PCDHGC5: variants seen among roughly 807,000 people sequenced by gnomAD.
PCDHGC5 encodes the protein protocadherin gamma-C5.
Under a neutral mutation model 59.0 loss-of-function variants are expected in PCDHGC5, and 25 were observed. The ratio of observed to expected loss-of-function variants is 0.42; its 90% CI spans 0.31 to 0.59. PCDHGC5 has a LOEUF of 0.59. Ranked by LOEUF, PCDHGC5 falls within the 20% of genes least tolerant of loss-of-function variation. The pLI is 0.13. For synonymous variants in PCDHGC5, 434 were observed against 505.5 expected, an observed-to-expected ratio of 0.86 and a Z score of 1.90; for missense variants, 1,067 against 1,206.4, an observed-to-expected ratio of 0.88 and a Z score of 1.71.
Position 141,491,754 on chromosome 5 carries a change from C to T in PCDHGC5, c.2460+54C>T. ...CCCCTGGGGGCGGCACTGGAGAAGC[C>T]GCCCGTCCTCATAAGGGATTGAACT... On this transcript the variant is annotated intron_variant, in intron 1 of 3. Transcript: ENST00000252087. The surrounding 1 kb of genome is among the most constrained non-coding windows in gnomAD (Gnocchi z 6.9). 5.7e-6 allele frequency: 9 copies of T among 1,582,682 alleles called. No individual in the cohort carries two copies. The highest frequency in any genetic ancestry group is 7.7e-6 in the Non-Finnish European group (9 of 1,165,614).
chr5:141,494,977 T>C, intron 2 of PCDHGC5, 112 bp downstream of exon 2: 1 of 1,574,332 alleles, frequency 6.4e-7, no homozygotes, highest in East Asian at 2.3e-5. Context: ...TCTCCCTCAG[T>C]TTGAGATCCC....
At chr5:141,502,660 A>T (rs1423714257) in intron 2 of PCDHGC5, among the ~76,000 whole-genome samples, 2 of 152,208 alleles carry the variant, frequency 1.3e-5, no homozygotes, top group African/African-American at 4.8e-5. Flanking sequence ...GCAACCCTTC[A>T]TGCAATTTTA....
At chr5:141,496,146 G>A (rs749790409) in intron 2 of PCDHGC5, among the ~76,000 whole-genome samples, 1 of 151,170 alleles carries the variant, frequency 6.6e-6, no homozygotes, top group Non-Finnish European at 1.5e-5. Flanking sequence ...GCCTTTGATC[G>A]CAGCTCTCCA....
chr5:141,497,812 T>C (rs947015544), intron 2 of PCDHGC5, among the ~76,000 whole-genome samples: 2 of 152,202 alleles, frequency 1.3e-5, no homozygotes, highest in African/African-American at 4.8e-5. Flanking sequence ...AGTGCTAGAA[T>C]TACAGGTGTG....
intron 2 of PCDHGC5, among the ~76,000 whole-genome samples, chr5:141,498,352 CA>C: frequency 6.6e-6 from 1 of 151,890 alleles, no homozygotes; most frequent in African/African-American, 2.4e-5. Flanking sequence ...AAAGCCTATG[CA>C]AAAGCCTTGT....
Position 141,491,722 on chromosome 5 carries a change from C to G in PCDHGC5, c.2460+22C>G, listed in dbSNP as rs1276921909. ...CCAGGTGAGGGGCTCGGCGCCGCCC[C>G]GGGCGACCCCTGGGGGCGGCACTGG... On this transcript the variant is annotated intron_variant, in intron 1 of 3. Transcript: ENST00000252087. This position sits in a 1 kb window ranked among gnomAD's most constrained non-coding sequence, Gnocchi z 6.9. 2 of 1,607,004 alleles carry G rather than the reference C, an allele frequency of 1.2e-6. No homozygotes were observed. The highest frequency in any genetic ancestry group is 1.7e-5 in the Admixed American group (1 of 58,788).
Position 141,511,345 on chromosome 5 carries a change from TC to T in PCDHGC5, c.*179del, listed in dbSNP as rs535135679. On this transcript the variant is annotated 3_prime_UTR_variant, in exon 4 of 4. Coordinates refer to ENST00000252087, the MANE Select transcript of PCDHGC5 (RefSeq NM_018929.3). ...AAGTGCCCAGTCAGCACCTACCCCTTCCCCCCCAGGGGGTTGAATATGCAAA... is the reference window on the plus strand; with the variant it reads ...AAGTGCCCAGTCAGCACCTACCCCTTCCCCCCAGGGGGTTGAATATGCAAA... The T allele has an allele frequency of 2.2e-5, 31 of 1,410,342 alleles. No individual in the cohort carries two copies. Among genetic ancestry groups the T allele is most frequent in the South Asian group, 2.9e-5 (2 of 68,200 alleles). 87.4% of individuals were successfully genotyped at this position (1,410,342 alleles called of 1,614,324 possible). A position where few individuals can be genotyped will look rare whatever the true frequency, so the allele number is the denominator to read the frequency against.
chr5:141,503,654 G>C (rs1248501987), intron 2 of PCDHGC5, among the ~76,000 whole-genome samples: 1 of 150,388 alleles, frequency 6.6e-6, no homozygotes, highest in Non-Finnish European at 1.5e-5. Flanking sequence ...AATGGAAACA[G>C]AATTACAACT....
Position 141,494,830 on chromosome 5 carries a change from G to C in PCDHGC5, c.2484G>C (p.Trp828Cys), listed in dbSNP as rs2099757104. Residue 828 changes from tryptophan (W) to cysteine (C), a missense_variant, in exon 2 of 4, where the codon TGG (tryptophan) becomes TGC (cysteine). Coordinates refer to ENST00000252087, the MANE Select transcript of PCDHGC5 (RefSeq NM_018929.3). ...AGCAAGCCCCGCCCAACACGGACTG[G>C]CGTTTCTCTCAGGCCCAGAGACCCG... The part of the protein sequence containing the change: ...RSQQAPPNTD[W>C]RFSQAQRPGT... 6.2e-7 allele frequency: 1 copy of C among 1,614,098 alleles called. No homozygotes were observed. The highest frequency in any genetic ancestry group is 2.2e-5 in the East Asian group (1 of 44,862).
chr5:141,500,139 CT>C (rs2099796692), intron 2 of PCDHGC5, among the ~76,000 whole-genome samples: 2 of 151,768 alleles, frequency 1.3e-5, no homozygotes, highest in East Asian at 3.9e-4. Context: ...TCTTTCTAAA[CT>C]TTTCTTTGTG....
intron 2 of PCDHGC5, among the ~76,000 whole-genome samples, chr5:141,496,582 G>A (rs991035985): frequency 1.9e-4 from 29 of 152,100 alleles, no homozygotes; most frequent in Non-Finnish European, 3.5e-4. Flanking sequence ...TTTTAGGAAC[G>A]CAAAGCGCTT....
Position 141,489,492 on chromosome 5 carries a change from G to C in PCDHGC5, c.252G>C (p.Leu84=). The change falls in exon 1 of 4, where the codon CTG becomes CTC. Residue 84 remains leucine (L), a synonymous_variant. Coordinates refer to ENST00000252087, the MANE Select transcript of PCDHGC5 (RefSeq NM_018929.3). This position sits in a 1 kb window ranked among gnomAD's most constrained non-coding sequence, Gnocchi z 4.5. The part of the protein sequence containing the change: ...YFSLSLMSGA[L]AVNQKIDRES... The stretch of plus-strand genomic sequence containing the variant: ...CCCTGAGCTTGATGAGTGGTGCCCT[G>C]GCAGTGAATCAAAAGATTGACCGAG... The C allele has an allele frequency of 6.2e-7, 1 of 1,614,042 alleles. No homozygotes were observed. The highest frequency in any genetic ancestry group is 8.5e-7 in the Non-Finnish European group (1 of 1,180,034).
rs1303365585 is a variant in PCDHGC5 at position 141,511,350 on chromosome 5, C to A, written c.*177C>A. 2.1e-5 allele frequency: 30 copies of A among 1,397,076 alleles called. No individual in the cohort carries two copies. Among genetic ancestry groups the A allele is most frequent in the African/African-American group, 1.7e-4 (12 of 68,780 alleles). The allele number at this position is 1,397,076 out of a possible 1,614,324, so 86.5% of individuals were successfully genotyped here. Reference sequence around the variant, plus strand: ...CCCAGTCAGCACCTACCCCTTCCCCCCCAGGGGGTTGAATATGCAAAAGCA... The same window carrying A: ...CCCAGTCAGCACCTACCCCTTCCCCACCAGGGGGTTGAATATGCAAAAGCA... On this transcript the variant is annotated 3_prime_UTR_variant, in exon 4 of 4. Transcript: ENST00000252087.
rs2099883887 is a variant in PCDHGC5, at chr5:141,511,641, ACC to A, written c.*469_*470del. 4.4e-6 allele frequency: 1 copy of A among 224,930 alleles called. No homozygotes were observed. Among genetic ancestry groups the A allele is most frequent in the Non-Finnish European group, 9.1e-6 (1 of 110,428 alleles). 13.9% of individuals were successfully genotyped at this position (224,930 alleles called of 1,614,324 possible). A position where few individuals can be genotyped will look rare whatever the true frequency, so the allele number is the denominator to read the frequency against. ...TCTGAAAAGTTGGAAGGGCATCATG[ACC>A]TCTTGGCCTCTCCTTTGATTCTCAA... On this transcript the variant is annotated 3_prime_UTR_variant, in exon 4 of 4. Coordinates refer to ENST00000252087, the MANE Select transcript of PCDHGC5 (RefSeq NM_018929.3).
intron 2 of PCDHGC5, among the ~76,000 whole-genome samples, chr5:141,497,781 C>T (rs2099779421): frequency 1.3e-5 from 2 of 152,192 alleles, no homozygotes; most frequent in African/African-American, 4.8e-5. Flanking sequence ...CTCAACTGAT[C>T]CACCTGCTTC....
Position 141,491,944 on chromosome 5 carries a change from C to T in PCDHGC5, c.2460+244C>T, listed in dbSNP as rs1245968796. ...CGAGGGGAGGTGGGACCGACCCCCACCCCTACACTCAAAAAAGGCCGGGGC... is the reference window on the plus strand; with the variant it reads ...CGAGGGGAGGTGGGACCGACCCCCATCCCTACACTCAAAAAAGGCCGGGGC... On this transcript the variant is annotated intron_variant, in intron 1 of 3. Transcript: ENST00000252087. This position sits in a 1 kb window ranked among gnomAD's most constrained non-coding sequence, Gnocchi z 6.9. The T allele has an allele frequency of 1.8e-6, 2 of 1,120,156 alleles. No individual in the cohort carries two copies. Among genetic ancestry groups the T allele is most frequent in the Non-Finnish European group, 2.4e-6 (2 of 822,072 alleles). The allele number at this position is 1,120,156 out of a possible 1,614,324, so 69.4% of individuals were successfully genotyped here. A position where few individuals can be genotyped will look rare whatever the true frequency, so the allele number is the denominator to read the frequency against.
chr5:141,498,045 A>G (rs1368474174), intron 2 of PCDHGC5, among the ~76,000 whole-genome samples: 4 of 152,256 alleles, frequency 2.6e-5, no homozygotes, highest in Non-Finnish European at 4.4e-5. Flanking sequence ...AATTACAAAA[A>G]TAAATGTGAG....
chr5:141,510,995 G>T lies in PCDHGC5; in HGVS notation c.2657G>T (p.Gly886Val). ...STLGGGAGTM[G>V]LSARYGPQFT... is the part of the protein sequence containing the mutation. ...CTGGGAGGGGGTGCCGGCACCATGG[G>T]ATTGAGCGCCCGCTACGGACCCCAG... is the stretch of plus-strand genomic sequence containing the variant. Residue 886 changes from glycine to valine, a missense_variant, in exon 4 of 4, where the codon GGA becomes GTA. Physicochemically the swap from Gly to Val is moderately radical, Grantham distance 109. Coordinates refer to ENST00000252087, the MANE Select transcript of PCDHGC5 (RefSeq NM_018929.3). The T allele has an allele frequency of 6.2e-7, 1 of 1,614,172 alleles. No individual in the cohort carries two copies. Among genetic ancestry groups the T allele is most frequent in the Non-Finnish European group, 8.5e-7 (1 of 1,180,018 alleles).
At chr5:141,507,831 T>C (rs2099864030) in intron 3 of PCDHGC5, among the ~76,000 whole-genome samples, 1 of 152,134 alleles carries the variant, frequency 6.6e-6, no homozygotes, top group African/African-American at 2.4e-5. Context: ...GTGGAGGTGG[T>C]GGGTCAGGCC....
Sources: allele counts gnomAD v4.1 joint callset (sites outside exome capture counted in the v4.1 genomes callset), GRCh38; gene constraint gnomAD v4.1.1; non-coding constraint Gnocchi (gnomAD v3.1); transcripts MANE v1.5; gene names NCBI Gene and HGNC (gene_info 2026-07-23, HGNC 2026-07-21).